DMD: variants seen among roughly 807,000 people sequenced by gnomAD.
DMD encodes the protein dystrophin, also known as mutant dystrophin.
A neutral mutation model predicts 330.1 loss-of-function variants in DMD; 63 were observed. The ratio of observed to expected loss-of-function variants is 0.19; its 90% CI spans 0.16 to 0.24. The LOEUF is 0.24. DMD is among the 10% of genes least tolerant of loss of function. The probability of loss-of-function intolerance (pLI) is 1.00; values close to 1 mark genes in which losing one functional copy is unlikely to be tolerated. For missense variants in DMD, 3,344 were observed against 2,684.1 expected, an observed-to-expected ratio of 1.25 and a Z score of -5.43; for synonymous variants, 1,223 against 959.8, an observed-to-expected ratio of 1.27 and a Z score of -5.07.
intron 13 of DMD, among the ~76,000 whole-genome samples, chrX:32,589,606 A>G (rs5928029): frequency 0.06 from 6,680 of 111,161 alleles, 166 homozygotes; most frequent in Non-Finnish European, 0.063. Context: ...ATTTACATTT[A>G]TATCTATAGA....
intron 2 of DMD, among the ~76,000 whole-genome samples, chrX:32,919,308 T>C (rs752504071): frequency 2.7e-5 from 3 of 111,840 alleles, no homozygotes; most frequent in East Asian, 5.6e-4. Flanking sequence ...AATGGGAGAT[T>C]CCAGAGATAC....
intron 3 of DMD, among the ~76,000 whole-genome samples, chrX:32,848,375 TACACAC>T (rs1371512000): frequency 2.7e-4 from 30 of 111,966 alleles, no homozygotes; most frequent in Non-Finnish European, 5.3e-4. Flanking sequence ...GGAGATGAAT[TACACAC>T]AAATCTATCT....
intron 44 of DMD, among the ~76,000 whole-genome samples, chrX:32,113,722 C>T (rs1795594): frequency 0.39 from 42,985 of 110,211 alleles, 6,291 homozygotes; most frequent in African/African-American, 0.48. Flanking sequence ...CAACTCCTGA[C>T]GATTCTAGGA....
intron 47 of DMD, among the ~76,000 whole-genome samples, chrX:31,918,044 T>C (rs1473747617): frequency 8.9e-6 from 1 of 111,861 alleles, no homozygotes; most frequent in Non-Finnish European, 1.9e-5. Flanking sequence ...TGATGCTCAA[T>C]GAAACAACAT....
At chrX:31,886,519 A>G (rs997541732) in intron 47 of DMD, among the ~76,000 whole-genome samples, 1 of 112,309 alleles carries the variant, frequency 8.9e-6, no homozygotes, top group Non-Finnish European at 1.9e-5. Context: ...GGAAAGAACT[A>G]TAACTGACCT....
intron 44 of DMD, among the ~76,000 whole-genome samples, chrX:32,193,298 C>T (rs775653322): frequency 1.8e-5 from 2 of 112,130 alleles, no homozygotes; most frequent in African/African-American, 3.2e-5. Flanking sequence ...ATTAATATAA[C>T]ACAACACACA....
chrX:31,227,201 T>C (rs943498304), intron 63 of DMD, among the ~76,000 whole-genome samples: 11 of 111,095 alleles, frequency 9.9e-5, no homozygotes, highest in African/African-American at 3.6e-4. Flanking sequence ...ACAAATGGTC[T>C]AAATGAGGTC....
At position 32,734,139 on chromosome X, in the gene DMD, T is replaced by G. The variant is rs1253248359; in HGVS notation, c.650-34846A>C. Among the ~76,000 whole-genome samples, 8 of 108,610 alleles carry G rather than the reference T, an allele frequency of 7.4e-5. No individual in the cohort carries two copies. In the Admixed American group the frequency reaches 7.9e-4, roughly 11 times the overall value. 94.3% of individuals were successfully genotyped at this position (108,610 alleles called of 115,157 possible). On this transcript the variant is annotated intron_variant, in intron 7 of 78. Transcript: ENST00000357033. Reference sequence around the variant, plus strand: ...CATCAGAGAATACTACAAACACCTCTACGCAAATAAACTAGAAAATCTAGA... The same window carrying G: ...CATCAGAGAATACTACAAACACCTCGACGCAAATAAACTAGAAAATCTAGA...
intron 2 of DMD, among the ~76,000 whole-genome samples, chrX:32,952,129 T>A (rs1280903165): frequency 9.1e-6 from 1 of 109,760 alleles, no homozygotes; most frequent in Non-Finnish European, 1.9e-5. Context: ...TTCAGCTTCT[T>A]TTTTTGTTTG....
rs1234970651 is a variant in DMD at position 32,874,391 on chromosome X, G to A, written c.94-24571C>T. ...CCTTGAACTCTGGCTACCATCAATT[G>A]TTTCCTGCCAAGATGCATCTCTTTT... On this transcript the variant is annotated intron_variant, in intron 2 of 78. Transcript: ENST00000357033. Among the ~76,000 whole-genome samples the A allele has an allele frequency of 7.2e-5, 8 of 111,559 alleles. No homozygotes were observed. In the Admixed American group the frequency reaches 7.6e-4, roughly 11 times the overall value.
At chrX:31,135,379 T>C (rs996790772) in intron 76 of DMD, among the ~76,000 whole-genome samples, 14 of 112,503 alleles carry the variant, frequency 1.2e-4, no homozygotes, top group Non-Finnish European at 2.4e-4. Flanking sequence ...ATATCCTATA[T>C]AGGTAATGAA....
chrX:32,573,275 AT>A (rs1267371180), intron 15 of DMD, among the ~76,000 whole-genome samples: 1 of 111,852 alleles, frequency 8.9e-6, no homozygotes, highest in East Asian at 2.8e-4. Context: ...GTATTACTTT[AT>A]TAATTTTAAT....
chrX:32,478,789 G>C (rs1247468539), intron 21 of DMD, among the ~76,000 whole-genome samples: 2 of 111,269 alleles, frequency 1.8e-5, no homozygotes, highest in East Asian at 5.6e-4. Context: ...CTGCTGCTCA[G>C]GCTCCATTCT....
At chrX:33,078,523 C>T (rs2094878316) in intron 1 of DMD, among the ~76,000 whole-genome samples, 1 of 112,027 alleles carries the variant, frequency 8.9e-6, no homozygotes, top group South Asian at 3.7e-4. Flanking sequence ...TGGCAAATAG[C>T]TCTAAAGAAA....
chrX:33,142,883 G>T (rs1337833040), intron 1 of DMD, among the ~76,000 whole-genome samples: 1 of 111,727 alleles, frequency 9.0e-6, no homozygotes, highest in Non-Finnish European at 1.9e-5. Context: ...AAATATTGTT[G>T]CAGGGAAGAG....
intron 44 of DMD, among the ~76,000 whole-genome samples, chrX:32,211,030 G>A (rs2097091912): frequency 1.8e-5 from 2 of 111,840 alleles, no homozygotes; most frequent in African/African-American, 6.5e-5. Flanking sequence ...GTAAGGTAAA[G>A]CTGAAGAGCA....
In DMD at chrX:32,156,659, C is replaced by T. The variant is rs1328329133; in HGVS notation, c.6438+60257G>A. Among the ~76,000 whole-genome samples the T allele has an allele frequency of 3.6e-5, 4 of 110,273 alleles. No individual in the cohort carries two copies. In the East Asian group the frequency reaches 1.1e-3, roughly 32 times the overall value. ...ACACACACACACACACACACACACA[C>T]ACACACACGCACGCAATTATTAACC... On this transcript the variant is annotated intron_variant, in intron 44 of 78. Coordinates refer to ENST00000357033, the MANE Select transcript of DMD (RefSeq NM_004006.3).
At position 32,948,113 on chromosome X, in the gene DMD, G is replaced by GACACACACACACACACACACAC. The variant is rs3083093; in HGVS notation, c.93+72004_93+72025dup. ...CTCAAAATTGACAGTGAGAGAAACA[G>GACACACACACACACACACACAC]ACACACACACACACACACACACACA... On this transcript the variant is annotated intron_variant, in intron 2 of 78. Coordinates refer to ENST00000357033, the MANE Select transcript of DMD (RefSeq NM_004006.3). 1.4e-3 allele frequency among the ~76,000 whole-genome samples: 130 copies of GACACACACACACACACACACAC among 95,967 alleles called. 2 individuals are homozygous for GACACACACACACACACACACAC. In the East Asian group the frequency reaches 0.018, roughly 13 times the overall value. The allele number at this position is 95,967 out of a possible 115,157, so 83.3% of individuals were successfully genotyped here. A position where few individuals can be genotyped will look rare whatever the true frequency, so the allele number is the denominator to read the frequency against.
intron 1 of DMD, among the ~76,000 whole-genome samples, chrX:33,162,679 T>G (rs1198548056): frequency 7.2e-5 from 8 of 110,973 alleles, no homozygotes; most frequent in African/African-American, 2.6e-4. Context: ...TTGGATATTT[T>G]GAGAGCCATA....
Sources: gnomAD v4.1 joint callset for allele counts (sites outside exome capture counted in the v4.1 genomes callset) on GRCh38, gnomAD v4.1.1 for gene constraint, MANE v1.5 for transcripts, NCBI Gene and HGNC (gene_info 2026-07-23, HGNC 2026-07-21) for gene names.